DNAH12: variants seen among roughly 807,000 people sequenced by gnomAD.
DNAH12 encodes dynein axonemal heavy chain 12, also known as axonemal beta dynein heavy chain 12.
In DNAH12, 285 loss-of-function variants were observed where a neutral mutation model predicts 371.5. The observed-to-expected ratio is 0.77, with a 90% CI of 0.70 to 0.85. The LOEUF is 0.85. Ranked by LOEUF, DNAH12 falls within the 40% of genes least tolerant of loss-of-function variation. The pLI, the probability that DNAH12 is intolerant of heterozygous loss-of-function variation, is 0.00. For missense variants in DNAH12, 3,611 were observed against 3,689.4 expected, an observed-to-expected ratio of 0.98 and a Z score of 0.55; for synonymous variants, 1,200 against 1,213.0, an observed-to-expected ratio of 0.99 and a Z score of 0.22.
In DNAH12 at chr3:57,384,640, T is replaced by C. The variant is rs923565860; in HGVS notation, c.7860+189A>G. ...GCTTGGTCAACAAAGTGAGACTCTG[T>C]CTCAAAAAATAAAATAAAATAAAAA... On this transcript the variant is annotated intron_variant, in intron 49 of 73. Transcript: ENST00000495027. Among the ~76,000 whole-genome samples, 22 of 151,950 alleles carry C rather than the reference T, an allele frequency of 1.4e-4. 1 individual carries two copies. The highest frequency in any genetic ancestry group is 4.1e-4 in the South Asian group (2 of 4,820).
chr3:57,450,778 T>G (rs1162504594), intron 25 of DNAH12, among the ~76,000 whole-genome samples: 1 of 151,930 alleles, frequency 6.6e-6, no homozygotes, highest in Non-Finnish European at 1.5e-5. Context: ...AAATAAAGGG[T>G]TTGGTGAAAT....
chr3:57,483,274 A>G lies in DNAH12; in HGVS notation c.1650+102T>C, dbSNP rs2066812168. ...TAGGTGGTGGCAATATAACCGCTCAATTTACAGCTATTTGTGTAACTATAT... is the reference window on the plus strand; with the variant it reads ...TAGGTGGTGGCAATATAACCGCTCAGTTTACAGCTATTTGTGTAACTATAT... On this transcript the variant is annotated intron_variant, in intron 13 of 73. Transcript: ENST00000495027. The G allele has an allele frequency of 2.1e-6, 3 of 1,407,526 alleles. No homozygotes were observed. The African/African-American group carries it at 4.4e-5, about 20-fold the overall frequency. 87.2% of individuals were successfully genotyped at this position (1,407,526 alleles called of 1,614,324 possible).
At chr3:57,392,411 T>C (rs1316979558) in intron 44 of DNAH12, among the ~76,000 whole-genome samples, 1 of 152,246 alleles carries the variant, frequency 6.6e-6, no homozygotes, top group South Asian at 2.1e-4. Flanking sequence ...AAATGTAAAA[T>C]ATCCACATAT....
In DNAH12 at chr3:57,489,681, C is replaced by CTA; in HGVS notation, c.1340_1341dup (p.Glu448Ter). 1 of 1,496,906 alleles carries CTA rather than the reference C, an allele frequency of 6.7e-7. No individual in the cohort carries two copies. Among genetic ancestry groups the CTA allele is most frequent in the Non-Finnish European group, 8.8e-7 (1 of 1,131,194 alleles). The allele number at this position is 1,496,906 out of a possible 1,614,324, so 92.7% of individuals were successfully genotyped here. On this transcript the variant is annotated frameshift_variant, in exon 12 of 74. Transcript: ENST00000495027. LOFTEE classifies it high-confidence loss of function. ...TCTGAGGCAAGACTGAGAAATTTTT[C>CTA]TATAAACTTGAAAAAAAGTGTTCAA...
intron 12 of DNAH12, among the ~76,000 whole-genome samples, chr3:57,485,543 AG>A (rs1469398406): frequency 6.6e-6 from 1 of 151,308 alleles, no homozygotes; most frequent in Non-Finnish European, 1.5e-5. Context: ...CTGGGATTAC[AG>A]GCGCGTGCCA....
chr3:57,494,782 G>C (rs1314800232), intron 11 of DNAH12, among the ~76,000 whole-genome samples: 1 of 152,158 alleles, frequency 6.6e-6, no homozygotes, highest in Non-Finnish European at 1.5e-5. Flanking sequence ...GCTGAGGCAG[G>C]CAGATCGCTT....
intron 2 of DNAH12, among the ~76,000 whole-genome samples, chr3:57,537,926 G>A (rs527804114): frequency 2.0e-5 from 3 of 152,112 alleles, no homozygotes; most frequent in Admixed American, 6.6e-5. Context: ...CTCATGATCC[G>A]CCCGCCTTGG....
intron 1 of DNAH12, among the ~76,000 whole-genome samples, chr3:57,543,463 C>G (rs1485217305): frequency 6.6e-6 from 1 of 150,896 alleles, no homozygotes; most frequent in Non-Finnish European, 1.5e-5. Flanking sequence ...GCTAGGACTA[C>G]AGGTGCGCAA....
intron 19 of DNAH12, among the ~76,000 whole-genome samples, chr3:57,459,995 T>C (rs1009081109): frequency 1.3e-5 from 2 of 152,068 alleles, no homozygotes; most frequent in African/African-American, 4.8e-5. Flanking sequence ...CAATTGGAAA[T>C]GACTGTAACA....
chr3:57,544,908 G>A (rs1020289684), upstream of DNAH12, among the ~76,000 whole-genome samples: 1 of 151,702 alleles, frequency 6.6e-6, no homozygotes, highest in African/African-American at 2.4e-5. Context: ...AATTAAATTA[G>A]GGAAGTGAAT....
chr3:57,409,236 T>C (rs2064131122), intron 39 of DNAH12, among the ~76,000 whole-genome samples: 2 of 152,192 alleles, frequency 1.3e-5, no homozygotes, highest in South Asian at 4.1e-4. Flanking sequence ...ATCAAGTCTC[T>C]AATACTGAAG....
At chr3:57,303,171 C>G (rs750215706) in intron 69 of DNAH12, among the ~76,000 whole-genome samples, 4 of 151,338 alleles carry the variant, frequency 2.6e-5, no homozygotes, top group Non-Finnish European at 5.9e-5. Flanking sequence ...AACCCCATCT[C>G]TACTAAAAAT....
chr3:57,428,576 T>C, intron 34 of DNAH12, 57 bp downstream of exon 34: 1 of 1,510,902 alleles, frequency 6.6e-7, no homozygotes, highest in Non-Finnish European at 8.8e-7. Flanking sequence ...ACTTTAGACT[T>C]AGTCAAGTTG....
chr3:57,445,727 G>A (rs2065469528), intron 27 of DNAH12, among the ~76,000 whole-genome samples: 2 of 151,914 alleles, frequency 1.3e-5, no homozygotes, highest in Admixed American at 6.6e-5. Flanking sequence ...AGTGGCTCAT[G>A]CCTGTAATCC....
At chr3:57,334,691 C>T (rs968675024) in intron 61 of DNAH12, 82 bp from the exon 62 acceptor site, 2 of 1,505,524 alleles carry the variant, frequency 1.3e-6, no homozygotes, top group African/African-American at 2.8e-5. Context: ...AGAAACCAGA[C>T]AGCTATTTAA....
chr3:57,425,227 A>G (rs977808829), intron 34 of DNAH12, 86 bp from the exon 35 acceptor site: 2 of 652,260 alleles, frequency 3.1e-6, no homozygotes, highest in East Asian at 2.7e-5. Context: ...AACTGATAAA[A>G]GCATACATGG....
chr3:57,483,877 G>C (rs1284878854), intron 12 of DNAH12, among the ~76,000 whole-genome samples: 2 of 150,738 alleles, frequency 1.3e-5, no homozygotes, highest in East Asian at 3.9e-4. Context: ...ACTTGAGCTT[G>C]GGAGGTTGAG....
intron 60 of DNAH12, among the ~76,000 whole-genome samples, chr3:57,348,980 G>A (rs186866209): frequency 6.6e-6 from 1 of 152,176 alleles, no homozygotes; most frequent in African/African-American, 2.4e-5. Context: ...AAATAGATGG[G>A]ACTTAATTAA....
At chr3:57,544,126 G>GT (rs1319758936) in intron 1 of DNAH12, 71 bp downstream of exon 1, 1 of 152,280 alleles carries the variant, frequency 6.6e-6, no homozygotes. Flanking sequence ...TTGAAAGAGT[G>GT]TTTAAGTTGG....
Sources: allele counts gnomAD v4.1 joint callset (sites outside exome capture counted in the v4.1 genomes callset), GRCh38; gene constraint gnomAD v4.1.1; transcripts MANE v1.5; gene names NCBI Gene and HGNC (gene_info 2026-07-23, HGNC 2026-07-21).